BRINP1: variants seen among roughly 807,000 people sequenced by gnomAD.
The protein encoded by BRINP1 is BMP/retinoic acid inducible neural specific 1.
A neutral mutation model predicts 72.9 loss-of-function variants in BRINP1; 17 were observed. That is an observed-to-expected ratio of 0.23 (90% CI 0.16 to 0.35). BRINP1 has a LOEUF of 0.35. Ranked by LOEUF, BRINP1 falls within the 10% of genes least tolerant of loss-of-function variation. The pLI, the probability that BRINP1 is intolerant of heterozygous loss-of-function variation, is 1.00. For missense variants in BRINP1, 850 were observed against 1,001.6 expected, an observed-to-expected ratio of 0.85 and a Z score of 2.04; for synonymous variants, 418 against 378.5, an observed-to-expected ratio of 1.10 and a Z score of -1.21.
chr9:119,177,326 C>T (rs1469786232), intron 7 of BRINP1, among the ~76,000 whole-genome samples: 1 of 152,050 alleles, frequency 6.6e-6, no homozygotes, highest in Non-Finnish European at 1.5e-5. Context: ...CTTCAGGAAA[C>T]GGAGCTGGAA....
At chr9:119,258,667 G>T (rs76570297) in intron 2 of BRINP1, among the ~76,000 whole-genome samples, 6,244 of 152,144 alleles carry the variant, frequency 0.041, 436 homozygotes, top group African/African-American at 0.14. Flanking sequence ...GTGGCAAGAG[G>T]GACTAGGAAA....
chr9:119,211,208 A>ATTTT (rs869120198), intron 6 of BRINP1, among the ~76,000 whole-genome samples: 1 of 129,050 alleles, frequency 7.7e-6, no homozygotes, highest in African/African-American at 2.9e-5. Flanking sequence ...TTATTTATTT[A>ATTTT]TTTTTTGAGA....
In BRINP1 at chr9:119,365,503, G is replaced by A. The variant is rs138263446; in HGVS notation, c.-51+3553C>T. Among the ~76,000 whole-genome samples the A allele has an allele frequency of 9.8e-5, 15 of 152,288 alleles. No individual in the cohort carries two copies. In the East Asian group the frequency reaches 2.9e-3, roughly 29 times the overall value. Reference sequence around the variant, plus strand: ...TGTCTAACCTTAATGGCCCATTCAAGTGATAATGTACTGGTGATTTCCTCT... The same window carrying A: ...TGTCTAACCTTAATGGCCCATTCAAATGATAATGTACTGGTGATTTCCTCT... On this transcript the variant is annotated intron_variant, in intron 1 of 7. Transcript: ENST00000265922.
chr9:119,305,970 A>C (rs1038808445), intron 2 of BRINP1, among the ~76,000 whole-genome samples: 11 of 152,150 alleles, frequency 7.2e-5, no homozygotes, highest in African/African-American at 2.4e-4. Flanking sequence ...CTTGGCCAAG[A>C]TTTGGAGCAC....
At chr9:119,273,912 T>C (rs998460674) in intron 2 of BRINP1, among the ~76,000 whole-genome samples, 11 of 152,198 alleles carry the variant, frequency 7.2e-5, no homozygotes, top group African/African-American at 2.4e-4. Context: ...TCTTGGCTGA[T>C]TTTCCTACTA....
intron 2 of BRINP1, among the ~76,000 whole-genome samples, chr9:119,283,480 T>C (rs1830732325): frequency 6.6e-6 from 1 of 152,230 alleles, no homozygotes; most frequent in Non-Finnish European, 1.5e-5. Flanking sequence ...CTAAGGAATT[T>C]TTTAAAGTGG....
intron 7 of BRINP1, among the ~76,000 whole-genome samples, chr9:119,175,921 C>A (rs1588154720): frequency 6.6e-6 from 1 of 152,178 alleles, no homozygotes; most frequent in African/African-American, 2.4e-5. Context: ...GACTTGAGGT[C>A]AGTCAGAGAC....
intron 2 of BRINP1, among the ~76,000 whole-genome samples, chr9:119,283,996 A>AT (rs1169221873): frequency 5.9e-5 from 9 of 152,184 alleles, no homozygotes; most frequent in Non-Finnish European, 2.9e-5. Context: ...GAATTGCAGA[A>AT]TTCCCAGGTC....
chr9:119,188,946 G>C (rs1007250648), intron 7 of BRINP1, among the ~76,000 whole-genome samples: 3 of 152,110 alleles, frequency 2.0e-5, no homozygotes, highest in Non-Finnish European at 4.4e-5. Context: ...TCTCTAGTAT[G>C]AAAGTTAAAA....
At chr9:119,359,416 G>T (rs757869662) in intron 1 of BRINP1, among the ~76,000 whole-genome samples, 108 of 152,278 alleles carry the variant, frequency 7.1e-4, no homozygotes, top group Middle Eastern at 3.4e-3. Flanking sequence ...TGCCCAGGCT[G>T]GTCTCAAACA....
At chr9:119,328,777 T>C (rs186120031) in intron 1 of BRINP1, among the ~76,000 whole-genome samples, 5 of 152,208 alleles carry the variant, frequency 3.3e-5, no homozygotes, top group Admixed American at 6.5e-5. Flanking sequence ...CAAAAATACT[T>C]CTCAGGGGAG....
chr9:119,200,867 A>G (rs932528128), intron 7 of BRINP1, among the ~76,000 whole-genome samples: 12 of 152,028 alleles, frequency 7.9e-5, no homozygotes, highest in Admixed American at 7.2e-4. Context: ...AAGGAAGCAC[A>G]TTCAAGCAGA....
chr9:119,327,211 A>G (rs1831249680), intron 1 of BRINP1, among the ~76,000 whole-genome samples: 2 of 152,176 alleles, frequency 1.3e-5, no homozygotes, highest in South Asian at 4.1e-4. Flanking sequence ...ATAGGTAAAC[A>G]TTTGCCATGG....
intron 2 of BRINP1, among the ~76,000 whole-genome samples, chr9:119,277,021 T>C (rs1357894509): frequency 1.3e-5 from 2 of 152,184 alleles, no homozygotes; most frequent in Non-Finnish European, 2.9e-5. Context: ...TCCATCCTTA[T>C]AGTTTTGCCT....
chr9:119,360,629 A>T (rs1831619713), intron 1 of BRINP1, among the ~76,000 whole-genome samples: 1 of 152,194 alleles, frequency 6.6e-6, no homozygotes, highest in Non-Finnish European at 1.5e-5. Context: ...CCCAAAAAGC[A>T]ATCATATCCT....
intron 2 of BRINP1, among the ~76,000 whole-genome samples, chr9:119,300,414 G>T (rs1225378732): frequency 6.6e-6 from 1 of 152,116 alleles, no homozygotes; most frequent in Non-Finnish European, 1.5e-5. Context: ...TGGAGGTGAT[G>T]GATACCCCAT....
At chr9:119,318,675 C>T (rs1037684328) in intron 1 of BRINP1, among the ~76,000 whole-genome samples, 1 of 152,154 alleles carries the variant, frequency 6.6e-6, no homozygotes, top group Non-Finnish European at 1.5e-5. Flanking sequence ...ACTGAAGTCA[C>T]AGTGTGTCAC....
intron 1 of BRINP1, among the ~76,000 whole-genome samples, chr9:119,330,027 C>A (rs1430182729): frequency 2.0e-5 from 3 of 152,178 alleles, no homozygotes; most frequent in African/African-American, 7.2e-5. Context: ...CATAATTCTT[C>A]ACTTTGATAG....
intron 1 of BRINP1, among the ~76,000 whole-genome samples, chr9:119,359,232 T>C (rs1309223509): frequency 3.3e-5 from 5 of 152,166 alleles, no homozygotes; most frequent in Non-Finnish European, 5.9e-5. Flanking sequence ...CTGACTCTGT[T>C]ACCCACGCTG....
Sources: gnomAD v4.1 joint callset for allele counts (sites outside exome capture counted in the v4.1 genomes callset) on GRCh38, gnomAD v4.1.1 for gene constraint, MANE v1.5 for transcripts, NCBI Gene and HGNC (gene_info 2026-07-23, HGNC 2026-07-21) for gene names.